TJP1: variants seen among roughly 807,000 people sequenced by gnomAD.
TJP1 encodes tight junction protein 1.
A neutral mutation model predicts 194.2 loss-of-function variants in TJP1; 43 were observed. The ratio of observed to expected loss-of-function variants is 0.22; its 90% CI spans 0.17 to 0.29. The LOEUF is 0.29. Among genes scored for constraint, TJP1 ranks in the 10% least tolerant of loss-of-function variants. TJP1 has a pLI of 1.00. For synonymous variants in TJP1, 801 were observed against 779.0 expected (o/e 1.03, Z -0.47); for missense variants, 1,971 against 2,185.7 (o/e 0.90, Z 1.96).
In TJP1 at chr15:29,822,117, A is replaced by G; in HGVS notation, c.-89T>C. Reference sequence around the variant, plus strand: ...CGCTCCTCACGCCACAGCCCAAATAAACATCTCCCGAGAGCGAGCGGGGCA... The same window carrying G: ...CGCTCCTCACGCCACAGCCCAAATAGACATCTCCCGAGAGCGAGCGGGGCA... On this transcript the variant is annotated 5_prime_UTR_variant, in exon 1 of 28. Transcript: ENST00000614355. 2 of 1,204,904 alleles carry G rather than the reference A, an allele frequency of 1.7e-6. No homozygotes were observed. Among genetic ancestry groups the G allele is most frequent in the Non-Finnish European group, 2.1e-6 (2 of 968,850 alleles). 74.6% of individuals were successfully genotyped at this position (1,204,904 alleles called of 1,614,324 possible). A position where few individuals can be genotyped will look rare whatever the true frequency, so the allele number is the denominator to read the frequency against.
chr15:29,715,024 G>A (rs2042477284), intron 23 of TJP1, among the ~76,000 whole-genome samples: 1 of 152,200 alleles, frequency 6.6e-6, no homozygotes. Flanking sequence ...CTATGGCTCA[G>A]TGCCTAGCTC....
downstream of TJP1, chr15:29,699,516 G>C (rs1566834691): frequency 6.6e-6 from 1 of 152,098 alleles, no homozygotes; most frequent in Non-Finnish European, 1.5e-5. Flanking sequence ...ATTAACCGTG[G>C]TAAATAAACA....
Position 29,782,710 on chromosome 15 carries a change from T to G in TJP1, c.85-9353A>C, listed in dbSNP as rs148077728. On this transcript the variant is annotated intron_variant, in intron 2 of 27. Transcript: ENST00000614355. ...ATTGACAAATGGAATCTAATTAAAC[T>G]AAAGAGCTTCTGCACAGCAAAAGAA... 3.1e-3 allele frequency among the ~76,000 whole-genome samples: 474 copies of G among 151,858 alleles called. 7 individuals carry two copies. Among genetic ancestry groups the G allele is most frequent in the Non-Finnish European group, 2.3e-3 (158 of 67,936 alleles).
intron 2 of TJP1, among the ~76,000 whole-genome samples, chr15:29,865,353 T>A (rs1434402331): frequency 1.3e-5 from 2 of 152,226 alleles, no homozygotes; most frequent in Non-Finnish European, 2.9e-5. Context: ...CTGCAGTTTA[T>A]TCCACTCCAC....
rs2042828416 is a variant in TJP1, at chr15:29,719,968, G to C, written c.2812C>G (p.Pro938Ala). ...PVPYLSPETN[P>A]ASSTSAVNHN... is the part of the protein sequence containing the mutation. ...TTAACAGCAGAGGTTGATGATGCTGGGTTTGTTTCAGGCGAAAGGTAAGGG... is the reference window on the plus strand; with the variant it reads ...TTAACAGCAGAGGTTGATGATGCTGCGTTTGTTTCAGGCGAAAGGTAAGGG... Residue 938 changes from proline to alanine, a missense_variant, in exon 20 of 28, where the codon CCA becomes GCA. Pro to Ala is a conservative substitution (Grantham distance 27). This residue lies in a region of TJP1 where 1,108 missense variants were observed against 1,128.5 expected (regional missense o/e 0.98). Transcript: ENST00000614355. The C allele has an allele frequency of 4.3e-6, 7 of 1,614,054 alleles. No homozygotes were observed. Among genetic ancestry groups the C allele is most frequent in the Non-Finnish European group, 5.9e-6 (7 of 1,180,000 alleles).
intron 23 of TJP1, among the ~76,000 whole-genome samples, chr15:29,713,839 G>GA (rs144575591): frequency 1.3e-5 from 2 of 151,648 alleles, no homozygotes; most frequent in South Asian, 2.1e-4. Context: ...CACTACAAAG[G>GA]AAAAAAAAGT....
chr15:29,855,349 G>A (rs2051806408), intron 2 of TJP1, among the ~76,000 whole-genome samples: 1 of 152,120 alleles, frequency 6.6e-6, no homozygotes, highest in South Asian at 2.1e-4. Context: ...TTTGAGTGAA[G>A]TTAATCAAAT....
chr15:29,761,433 T>C lies in TJP1; in HGVS notation c.863-147A>G, dbSNP rs956339789. ...CATTAATTTCACCTGCCAGCAATCA[T>C]ATCAATAGTGGTGAGTTGTCTACAG... On this transcript the variant is annotated intron_variant, in intron 7 of 27. Transcript: ENST00000614355. 2.7e-5 allele frequency: 35 copies of C among 1,290,516 alleles called. No homozygotes were observed. The East Asian group carries it at 8.1e-4, about 30-fold the overall frequency. 79.9% of individuals were successfully genotyped at this position (1,290,516 alleles called of 1,614,324 possible). A position where few individuals can be genotyped will look rare whatever the true frequency, so the allele number is the denominator to read the frequency against.
At chr15:29,770,531 T>C (rs1361263253) in intron 4 of TJP1, among the ~76,000 whole-genome samples, 1 of 151,708 alleles carries the variant, frequency 6.6e-6, no homozygotes, top group Non-Finnish European at 1.5e-5. Flanking sequence ...CTGGCTAACA[T>C]GGTGAAACCC....
intron 2 of TJP1, among the ~76,000 whole-genome samples, chr15:29,856,079 T>C (rs1307781717): frequency 1.3e-5 from 2 of 152,124 alleles, no homozygotes; most frequent in Non-Finnish European, 2.9e-5. Context: ...CTTCAGCTGA[T>C]GAACAGATAA....
At chr15:29,953,017 A>G (rs1464289800) in intron 2 of TJP1, among the ~76,000 whole-genome samples, 1 of 152,190 alleles carries the variant, frequency 6.6e-6, no homozygotes. Flanking sequence ...TGATTATATT[A>G]CAAAGTCAAC....
At chr15:29,892,304 G>C (rs143996708) in intron 2 of TJP1, among the ~76,000 whole-genome samples, 5 of 152,208 alleles carry the variant, frequency 3.3e-5, no homozygotes, top group Non-Finnish European at 7.3e-5. Context: ...GTTGGTTCAT[G>C]AGGTTTAAGG....
intron 2 of TJP1, among the ~76,000 whole-genome samples, chr15:29,828,954 T>C (rs141299216): frequency 0.07 from 10,693 of 152,210 alleles, 536 homozygotes; most frequent in Non-Finnish European, 0.11. Context: ...GGTTTCACCA[T>C]GTTGGCCAGG....
At chr15:29,918,876 A>G (rs1567196154) in intron 2 of TJP1, among the ~76,000 whole-genome samples, 1 of 152,184 alleles carries the variant, frequency 6.6e-6, no homozygotes, top group Non-Finnish European at 1.5e-5. Flanking sequence ...TCCAACAGCA[A>G]ATTTATAGGA....
At chr15:29,708,222 G>C (rs1212705870) in intron 25 of TJP1, among the ~76,000 whole-genome samples, 2 of 151,050 alleles carry the variant, frequency 1.3e-5, no homozygotes, top group Admixed American at 6.6e-5. Flanking sequence ...AAAAAGCATG[G>C]GCTCAGAGGT....
At chr15:29,736,194 A>T (rs1396420162) in intron 11 of TJP1, among the ~76,000 whole-genome samples, 1 of 152,242 alleles carries the variant, frequency 6.6e-6, no homozygotes, top group African/African-American at 2.4e-5. Flanking sequence ...ACTGAGCTTC[A>T]GTGTGGTGAA....
At chr15:29,765,903 C>T (rs1319970755) in intron 5 of TJP1, among the ~76,000 whole-genome samples, 4 of 144,900 alleles carry the variant, frequency 2.8e-5, no homozygotes, top group African/African-American at 1.2e-4. Flanking sequence ...ACAACAAAAA[C>T]AACAACAACA....
intron 2 of TJP1, among the ~76,000 whole-genome samples, chr15:29,914,578 T>C (rs1011252574): frequency 6.6e-6 from 1 of 152,146 alleles, no homozygotes; most frequent in African/African-American, 2.4e-5. Flanking sequence ...TTCAGTCATG[T>C]AGGAGCAGCC....
intron 14 of TJP1, 38 bp from the exon 15 acceptor site, chr15:29,732,566 A>G (rs749942809): frequency 6.2e-7 from 1 of 1,613,348 alleles, no homozygotes; most frequent in Non-Finnish European, 8.5e-7. Flanking sequence ...CATATTTTAT[A>G]CCTTTTCTTT....
Sources: gnomAD v4.1 joint callset for allele counts (sites outside exome capture counted in the v4.1 genomes callset) on GRCh38, gnomAD v4.1.1 for gene constraint, gnomAD v4.1.1 regional missense constraint, MANE v1.5 for transcripts, NCBI Gene and HGNC (gene_info 2026-07-23, HGNC 2026-07-21) for gene names.